Variants in CADPS2 observed in about 807,000 individuals in gnomAD.
CADPS2 encodes the protein calcium dependent secretion activator 2.
A neutral mutation model predicts 172.5 loss-of-function variants in CADPS2; 93 were observed. That is an observed-to-expected ratio of 0.54 (90% CI 0.46 to 0.64). The LOEUF (loss-of-function observed/expected upper bound fraction) is 0.64. Among genes scored for constraint, CADPS2 ranks in the 30% least tolerant of loss-of-function variants. The pLI is 0.00. For missense variants in CADPS2, 1,420 were observed against 1,565.9 expected (o/e 0.91, Z 1.57); for synonymous variants, 546 against 555.2 (o/e 0.98, Z 0.23).
At position 122,469,844 on chromosome 7, in the gene CADPS2, C is replaced by T. The variant is rs1399931738; in HGVS notation, c.2186+1531G>A. On this transcript the variant is annotated intron_variant, in intron 14 of 29. Coordinates refer to ENST00000449022, the MANE Select transcript of CADPS2 (RefSeq NM_017954.11). ...GTGTCTGTGTGTGTGTGTGTGTGCACGTACACACATCTAGCACATAAGTAT... is the reference window on the plus strand; with the variant it reads ...GTGTCTGTGTGTGTGTGTGTGTGCATGTACACACATCTAGCACATAAGTAT... Among the ~76,000 whole-genome samples, 10 of 147,100 alleles carry T rather than the reference C, an allele frequency of 6.8e-5. No individual in the cohort carries two copies. In the South Asian group the frequency reaches 1.3e-3, roughly 19 times the overall value.
rs141336327 is a variant in CADPS2 at position 122,774,962 on chromosome 7, C to T, written c.340-37894G>A. ...TGGCCAAATTTCCTAAAATTACTTA[C>T]TTTTGCTCATTTTTTCTGTTAAATT... On this transcript the variant is annotated intron_variant, in intron 1 of 29. Transcript: ENST00000449022. 2.4e-3 allele frequency among the ~76,000 whole-genome samples: 368 copies of T among 152,230 alleles called. 1 individual carries two copies. Among genetic ancestry groups the T allele is most frequent in the African/African-American group, 8.1e-3 (335 of 41,566 alleles).
intron 1 of CADPS2, among the ~76,000 whole-genome samples, chr7:122,797,614 C>T (rs1220528957): frequency 3.9e-5 from 6 of 152,226 alleles, no homozygotes; most frequent in African/African-American, 7.2e-5. Flanking sequence ...CTAAATACCA[C>T]GTTATCATTT....
intron 14 of CADPS2, among the ~76,000 whole-genome samples, chr7:122,455,378 AC>A (rs2053633709): frequency 6.6e-6 from 1 of 151,580 alleles, no homozygotes; most frequent in South Asian, 2.1e-4. Context: ...ATTCCCATAG[AC>A]CTTTCTATTT....
intron 6 of CADPS2, among the ~76,000 whole-genome samples, chr7:122,585,255 C>T (rs2069474997): frequency 6.6e-6 from 1 of 150,942 alleles, no homozygotes; most frequent in Non-Finnish European, 1.5e-5. Context: ...TGGGATTTAT[C>T]ATTTCTTTAT....
chr7:122,338,507 T>G (rs1321823578), intron 28 of CADPS2, among the ~76,000 whole-genome samples: 1 of 152,142 alleles, frequency 6.6e-6, no homozygotes. Context: ...AAAAGGAAAA[T>G]AATGGCTATG....
At chr7:122,854,701 A>C (rs1027705752) in intron 1 of CADPS2, among the ~76,000 whole-genome samples, 5 of 152,212 alleles carry the variant, frequency 3.3e-5, no homozygotes, top group Non-Finnish European at 7.3e-5. Context: ...TTTAGCTTCA[A>C]GTGTGAGCAG....
intron 6 of CADPS2, among the ~76,000 whole-genome samples, chr7:122,613,331 A>G (rs536513343): frequency 6.6e-6 from 1 of 152,256 alleles, no homozygotes; most frequent in African/African-American, 2.4e-5. Context: ...GAAAACAGAA[A>G]TGGGCAAAGC....
chr7:122,652,221 A>G (rs2079225140), intron 3 of CADPS2, among the ~76,000 whole-genome samples: 1 of 152,084 alleles, frequency 6.6e-6, no homozygotes, highest in Non-Finnish European at 1.5e-5. Flanking sequence ...ATTTAACACA[A>G]TGCCTAGTGA....
intron 2 of CADPS2, among the ~76,000 whole-genome samples, chr7:122,694,413 A>T (rs767701409): frequency 6.6e-6 from 1 of 152,242 alleles, no homozygotes; most frequent in Non-Finnish European, 1.5e-5. Context: ...TAAACTGGAC[A>T]TGTGTAGAAG....
chr7:122,836,738 T>C (rs1584789562), intron 1 of CADPS2, among the ~76,000 whole-genome samples: 2 of 152,188 alleles, frequency 1.3e-5, no homozygotes, highest in East Asian at 3.9e-4. Flanking sequence ...CTATCTTAAA[T>C]ATATATGCAC....
chr7:122,362,460 A>C lies in CADPS2; in HGVS notation c.3388-1447T>G, dbSNP rs2040279867. Among the ~76,000 whole-genome samples, 2 of 151,890 alleles carry C rather than the reference A, an allele frequency of 1.3e-5. 1 individual carries two copies. The highest frequency in any genetic ancestry group is 4.1e-4 in the South Asian group (2 of 4,830). ...ATGTGGAATTCAAATTAGTCTCAAA[A>C]GTGGTTTACATTTCTAAAACTTTAT... is the stretch of plus-strand genomic sequence containing the variant. On this transcript the variant is annotated intron_variant, in intron 25 of 29. Transcript: ENST00000449022.
intron 2 of CADPS2, among the ~76,000 whole-genome samples, chr7:122,722,951 T>C (rs1050596315): frequency 4.6e-5 from 7 of 152,024 alleles, no homozygotes; most frequent in Non-Finnish European, 7.4e-5. Flanking sequence ...ATTTAATAAA[T>C]GGTGTTGGGA....
intron 1 of CADPS2, among the ~76,000 whole-genome samples, chr7:122,812,428 A>C (rs1800239456): frequency 6.6e-6 from 1 of 151,266 alleles, no homozygotes; most frequent in East Asian, 1.9e-4. Flanking sequence ...AAAAAGAGAG[A>C]GAGAGAGAGA....
chr7:122,674,208 C>T (rs116401775), intron 2 of CADPS2, among the ~76,000 whole-genome samples: 1 of 152,192 alleles, frequency 6.6e-6, no homozygotes, highest in Non-Finnish European at 1.5e-5. Context: ...GCCCGCACCT[C>T]TCCCTTCACA....
At chr7:122,656,941 G>T (rs1009387098) in intron 3 of CADPS2, among the ~76,000 whole-genome samples, 1 of 152,110 alleles carries the variant, frequency 6.6e-6, no homozygotes, top group African/African-American at 2.4e-5. Flanking sequence ...TATGGTTTTA[G>T]GTCTAACACT....
At chr7:122,330,929 A>G (rs1186303657) in intron 28 of CADPS2, 1 of 152,176 alleles carries the variant, frequency 6.6e-6, no homozygotes, top group Non-Finnish European at 1.5e-5. Context: ...TGTGGGGTAG[A>G]TTATATGAAT....
At chr7:122,829,189 C>A (rs1805786442) in intron 1 of CADPS2, among the ~76,000 whole-genome samples, 1 of 152,002 alleles carries the variant, frequency 6.6e-6, no homozygotes, top group Admixed American at 6.6e-5. Context: ...ATAATAGAAC[C>A]TAGGTATTAT....
chr7:122,805,658 C>T (rs1331149735), intron 1 of CADPS2, among the ~76,000 whole-genome samples: 1 of 152,090 alleles, frequency 6.6e-6, no homozygotes, highest in East Asian at 1.9e-4. Context: ...GGTTATGAGT[C>T]AAGCAACCAG....
At chr7:122,587,819 C>T (rs936370940) in intron 6 of CADPS2, among the ~76,000 whole-genome samples, 1 of 152,128 alleles carries the variant, frequency 6.6e-6, no homozygotes, top group African/African-American at 2.4e-5. Flanking sequence ...AACTAATTTA[C>T]ATTCCCACCA....
Sources: gnomAD v4.1 joint callset for allele counts (sites outside exome capture counted in the v4.1 genomes callset) on GRCh38, gnomAD v4.1.1 for gene constraint, MANE v1.5 for transcripts, NCBI Gene and HGNC (gene_info 2026-07-23, HGNC 2026-07-21) for gene names.